Variants in IL19 observed in about 807,000 individuals in gnomAD.
IL19 encodes interleukin 19, also known as interleukin-19.
Under a neutral mutation model 19.5 loss-of-function variants are expected in IL19, and 15 were observed. The observed-to-expected ratio is 0.77, with a 90% CI of 0.52 to 1.19. IL19 has a LOEUF of 1.19. Among genes scored for constraint, IL19 ranks in the 50% most tolerant of loss-of-function variants. The pLI is 0.00. For missense variants in IL19, 199 were observed against 213.1 expected, an observed-to-expected ratio of 0.93 and a Z score of 0.41; for synonymous variants, 78 against 78.3, an observed-to-expected ratio of 1.00 and a Z score of 0.02.
At chr1:206,793,563 T>C (rs1005995084) in intron 1 of IL19, among the ~76,000 whole-genome samples, 2 of 152,220 alleles carry the variant, frequency 1.3e-5, no homozygotes, top group African/African-American at 4.8e-5. Flanking sequence ...TCAAAGAGGC[T>C]GCAGCAGGCA....
intron 2 of IL19, among the ~76,000 whole-genome samples, chr1:206,800,564 T>A (rs141644413): frequency 1.3e-5 from 2 of 151,984 alleles, no homozygotes; most frequent in East Asian, 3.9e-4. Flanking sequence ...TGAATAGGAG[T>A]TTGCCAGGGA....
intron 1 of IL19, 77 bp downstream of exon 1, chr1:206,771,155 G>T (rs914866462): frequency 9.3e-6 from 13 of 1,401,702 alleles, no homozygotes; most frequent in African/African-American, 1.4e-5. Flanking sequence ...TGGTTCTAGC[G>T]ATCCTCCTTC....
At chr1:206,800,747 T>C (rs1675660354) in intron 2 of IL19, among the ~76,000 whole-genome samples, 1 of 152,210 alleles carries the variant, frequency 6.6e-6, no homozygotes, top group South Asian at 2.1e-4. Flanking sequence ...TTAGTATATC[T>C]GGAACACAAA....
chr1:206,827,640 G>A (rs953102005), intron 2 of IL19, among the ~76,000 whole-genome samples: 8 of 151,382 alleles, frequency 5.3e-5, no homozygotes, highest in East Asian at 1.9e-4. Flanking sequence ...GCAGTGAGCC[G>A]AGATCGTGCC....
rs752042997 is a variant in IL19 at position 206,842,659 on chromosome 1, C to A, written c.*37C>A. 12 of 1,282,612 alleles carry A rather than the reference C, an allele frequency of 9.4e-6. No individual in the cohort carries two copies. The South Asian group carries it at 1.0e-4, about 11-fold the overall frequency. 79.5% of individuals were successfully genotyped at this position (1,282,612 alleles called of 1,614,324 possible). On this transcript the variant is annotated 3_prime_UTR_variant, in exon 7 of 7. Transcript: ENST00000659997. ...CTGTATAGTGATCCAGGGATGAACA[C>A]CCCCTGTGCGGTTTACTGTGGGAGA... is the stretch of plus-strand genomic sequence containing the variant.
At chr1:206,786,492 G>A (rs923796749) in intron 1 of IL19, among the ~76,000 whole-genome samples, 3 of 152,190 alleles carry the variant, frequency 2.0e-5, no homozygotes, top group African/African-American at 7.2e-5. Flanking sequence ...CAAGGTTCTT[G>A]GTGGAGTGGG....
chr1:206,812,873 G>C (rs1676049197), intron 2 of IL19, among the ~76,000 whole-genome samples: 1 of 152,120 alleles, frequency 6.6e-6, no homozygotes, highest in African/African-American at 2.4e-5. Flanking sequence ...TTTGTTGGAA[G>C]TTAACTTTGC....
intron 2 of IL19, among the ~76,000 whole-genome samples, chr1:206,809,121 C>T (rs1385299398): frequency 2.0e-5 from 3 of 152,046 alleles, no homozygotes; most frequent in African/African-American, 7.3e-5. Flanking sequence ...ATGGGTGTTG[C>T]CCCCACTGCT....
At chr1:206,840,132 G>T (rs751198342) in intron 5 of IL19, 130 bp downstream of exon 5, 1 of 1,050,966 alleles carries the variant, frequency 9.5e-7, no homozygotes, top group Non-Finnish European at 1.5e-6. Context: ...CACGTCCACA[G>T]GGAGAACTGT....
At chr1:206,828,643 C>T (rs1034227362) in intron 2 of IL19, among the ~76,000 whole-genome samples, 2 of 151,582 alleles carry the variant, frequency 1.3e-5, no homozygotes, top group Non-Finnish European at 2.9e-5. Flanking sequence ...CCCAGAGGCA[C>T]AGTAAAAAAA....
intron 1 of IL19, among the ~76,000 whole-genome samples, chr1:206,791,792 G>A (rs1675411287): frequency 6.6e-6 from 1 of 152,202 alleles, no homozygotes. Flanking sequence ...TTTTCTTAAA[G>A]GTAACTGGCC....
Position 206,813,069 on chromosome 1 carries a change from G to C in IL19, c.-3+14063G>C, listed in dbSNP as rs546935908. On this transcript the variant is annotated intron_variant, in intron 2 of 6. Transcript: ENST00000659997. ...TGAATTGTTTTGTGGTTGTATAAAAGTTCAAATTTTTGTGGAGCAGTGTAA... is the reference window on the plus strand; with the variant it reads ...TGAATTGTTTTGTGGTTGTATAAAACTTCAAATTTTTGTGGAGCAGTGTAA... Among the ~76,000 whole-genome samples, 5 of 152,306 alleles carry C rather than the reference G, an allele frequency of 3.3e-5. No homozygotes were observed. In the South Asian group the frequency reaches 1.0e-3, roughly 32 times the overall value.
chr1:206,806,197 C>T (rs1222182232), intron 2 of IL19, among the ~76,000 whole-genome samples: 1 of 152,158 alleles, frequency 6.6e-6, no homozygotes, highest in Non-Finnish European at 1.5e-5. Flanking sequence ...GCAGCACACA[C>T]CCACTCCTGG....
At chr1:206,825,578 T>G (rs958917312) in intron 2 of IL19, among the ~76,000 whole-genome samples, 1 of 152,224 alleles carries the variant, frequency 6.6e-6, no homozygotes, top group Non-Finnish European at 1.5e-5. Context: ...CTAGTTATGT[T>G]GGATACTGGG....
At chr1:206,776,241 C>G (rs1236667249) in intron 1 of IL19, among the ~76,000 whole-genome samples, 1 of 152,050 alleles carries the variant, frequency 6.6e-6, no homozygotes, top group African/African-American at 2.4e-5. Flanking sequence ...ATCCAGGACC[C>G]GTTTTTTCTG....
intron 5 of IL19, 72 bp downstream of exon 5, chr1:206,840,074 C>G: frequency 1.3e-6 from 2 of 1,520,062 alleles, no homozygotes; most frequent in South Asian, 1.1e-5. Context: ...GTGCTGGCCC[C>G]CATCGGCCTC....
chr1:206,816,061 C>G (rs780771880), intron 2 of IL19, among the ~76,000 whole-genome samples: 1 of 151,568 alleles, frequency 6.6e-6, no homozygotes, highest in Non-Finnish European at 1.5e-5. Flanking sequence ...AACAAAAAAA[C>G]CTGCCAGCCT....
chr1:206,808,962 G>A (rs558062897), intron 2 of IL19, among the ~76,000 whole-genome samples: 1 of 152,266 alleles, frequency 6.6e-6, no homozygotes, highest in Non-Finnish European at 1.5e-5. Context: ...TGACAGAGAA[G>A]GAAGGCAGAA....
At position 206,839,999 on chromosome 1, in the gene IL19, A is replaced by G; in HGVS notation, c.360A>G (p.Gln120=). ...TCTACATGCAGAAAACTCTGCGGCAATGTGTGAGTCACTGGGTCAGAATTC... is the reference window on the plus strand; with the variant it reads ...TCTACATGCAGAAAACTCTGCGGCAGTGTGTGAGTCACTGGGTCAGAATTC... The part of the protein sequence containing the change: ...SFLYMQKTLR[Q]CQEQRQCHCR... Residue 120 remains glutamine (Q), a synonymous_variant, in exon 5 of 7, where the codon CAA becomes CAG. Transcript: ENST00000659997. 1 of 1,614,192 alleles carries G rather than the reference A, an allele frequency of 6.2e-7. No homozygotes were observed. The highest frequency in any genetic ancestry group is 8.5e-7 in the Non-Finnish European group (1 of 1,180,016).
Sources: allele counts gnomAD v4.1 joint callset (sites outside exome capture counted in the v4.1 genomes callset), GRCh38; gene constraint gnomAD v4.1.1; transcripts MANE v1.5; gene names NCBI Gene and HGNC (gene_info 2026-07-23, HGNC 2026-07-21).